Variants in DCLK1 observed in about 807,000 individuals in gnomAD.
The protein encoded by DCLK1 is doublecortin like kinase 1, also known as serine/threonine-protein kinase DCLK1.
A neutral mutation model predicts 86.2 loss-of-function variants in DCLK1; 16 were observed. The ratio of observed to expected loss-of-function variants is 0.19; its 90% CI spans 0.13 to 0.28. The LOEUF (loss-of-function observed/expected upper bound fraction) is 0.28, where lower values mean the gene tolerates loss of function less well. Among genes scored for constraint, DCLK1 ranks in the 10% least tolerant of loss-of-function variants. The pLI, the probability that DCLK1 is intolerant of heterozygous loss-of-function variation, is 1.00. For missense variants in DCLK1, 590 were observed against 940.2 expected, an observed-to-expected ratio of 0.63 and a Z score of 4.87; for synonymous variants, 369 against 370.5, an observed-to-expected ratio of 1.00 and a Z score of 0.05.
intron 3 of DCLK1, among the ~76,000 whole-genome samples, chr13:36,032,103 GTTTTTCTTTTTCT>G (rs1331040151): frequency 1.5e-4 from 23 of 151,858 alleles, no homozygotes; most frequent in East Asian, 3.9e-4. Context: ...CTACAAATCA[GTTTTTCTTTTTCT>G]TTTTTCTTTT....
chr13:36,006,712 G>A (rs2153146900), intron 3 of DCLK1, among the ~76,000 whole-genome samples: 1 of 152,296 alleles, frequency 6.6e-6, no homozygotes, highest in South Asian at 2.1e-4. Flanking sequence ...TCTATTTGGG[G>A]TGGCCTAGAT....
At chr13:35,924,644 T>C (rs1876008649) in intron 4 of DCLK1, among the ~76,000 whole-genome samples, 1 of 152,092 alleles carries the variant, frequency 6.6e-6, no homozygotes, top group Non-Finnish European at 1.5e-5. Context: ...AGCAAGACCC[T>C]GTCTTAAAAA....
At chr13:35,821,689 T>C (rs2087397838) in intron 11 of DCLK1, among the ~76,000 whole-genome samples, 2 of 146,358 alleles carry the variant, frequency 1.4e-5, no homozygotes, top group South Asian at 2.1e-4. Flanking sequence ...TATATATATA[T>C]ATGCACAGTA....
At chr13:36,044,280 T>C (rs1007915618) in intron 3 of DCLK1, among the ~76,000 whole-genome samples, 1 of 152,188 alleles carries the variant, frequency 6.6e-6, no homozygotes, top group Non-Finnish European at 1.5e-5. Flanking sequence ...AATAAACCTC[T>C]TTTCCATATA....
chr13:35,894,564 G>C (rs1332130094), intron 4 of DCLK1, among the ~76,000 whole-genome samples: 1 of 152,004 alleles, frequency 6.6e-6, no homozygotes, highest in Non-Finnish European at 1.5e-5. Flanking sequence ...GGGTGTAAGA[G>C]TGTCCTCAAG....
chr13:36,121,236 T>G (rs1885978966), intron 2 of DCLK1, among the ~76,000 whole-genome samples: 2 of 152,224 alleles, frequency 1.3e-5, no homozygotes, highest in Admixed American at 1.3e-4. Context: ...CAGGATATAT[T>G]GTTAAGTACA....
At chr13:36,116,958 C>A (rs913036442) in intron 2 of DCLK1, among the ~76,000 whole-genome samples, 7 of 152,172 alleles carry the variant, frequency 4.6e-5, no homozygotes, top group Admixed American at 2.0e-4. Context: ...ACCTGGAAGT[C>A]ACTGGCTTAG....
rs561423580 is a variant in DCLK1, at chr13:35,849,283, T to A, written c.1035+5216A>T. ...TTATCAGGGAGATAAATCAATAACA[T>A]TTAAAACAGCGTGTGACAACTGAAT... On this transcript the variant is annotated intron_variant, in intron 6 of 16. Transcript: ENST00000360631. 3 of 985,314 alleles carry A rather than the reference T, an allele frequency of 3.0e-6. No individual in the cohort carries two copies. The African/African-American group carries it at 5.2e-5, about 17-fold the overall frequency. The allele number at this position is 985,314 out of a possible 1,614,324, so 61.0% of individuals were successfully genotyped here.
intron 4 of DCLK1, among the ~76,000 whole-genome samples, chr13:35,913,742 GGT>G (rs569535869): frequency 3.4e-4 from 51 of 152,140 alleles, no homozygotes; most frequent in African/African-American, 1.2e-3. Flanking sequence ...TCTGATACTG[GGT>G]GTGTAAGTGT....
intron 2 of DCLK1, among the ~76,000 whole-genome samples, chr13:36,122,729 G>A (rs1886039089): frequency 6.6e-6 from 1 of 151,992 alleles, no homozygotes; most frequent in South Asian, 2.1e-4. Context: ...ACATATTAAG[G>A]CCATTTTGAA....
intron 3 of DCLK1, among the ~76,000 whole-genome samples, chr13:36,069,691 CACA>C (rs1378135029): frequency 6.6e-6 from 1 of 152,160 alleles, no homozygotes; most frequent in Non-Finnish European, 1.5e-5. Flanking sequence ...CAGGTTGTGT[CACA>C]ACATCAGCCT....
chr13:36,041,510 T>G (rs1882701620), intron 3 of DCLK1, among the ~76,000 whole-genome samples: 2 of 152,196 alleles, frequency 1.3e-5, no homozygotes, highest in Non-Finnish European at 2.9e-5. Context: ...GTTCAGCACC[T>G]CCACCCCCTT....
intron 3 of DCLK1, among the ~76,000 whole-genome samples, chr13:35,964,221 G>T (rs1878608995): frequency 6.6e-6 from 1 of 152,124 alleles, no homozygotes; most frequent in South Asian, 2.1e-4. Context: ...TAAGATAAGG[G>T]GGTGTATAAA....
At chr13:36,049,477 A>T (rs1351261790) in intron 3 of DCLK1, among the ~76,000 whole-genome samples, 2 of 152,100 alleles carry the variant, frequency 1.3e-5, no homozygotes, top group African/African-American at 4.8e-5. Flanking sequence ...TTCTTTGTCC[A>T]TTTTATTTTC....
At chr13:36,087,083 A>G (rs1182259622) in intron 3 of DCLK1, among the ~76,000 whole-genome samples, 8 of 152,186 alleles carry the variant, frequency 5.3e-5, no homozygotes, top group African/African-American at 1.7e-4. Flanking sequence ...TTACACTCCC[A>G]TTAACAGTGT....
Position 35,887,580 on chromosome 13 carries a change from A to T in DCLK1, c.824-16240T>A, listed in dbSNP as rs61949294. On this transcript the variant is annotated intron_variant, in intron 4 of 16. Transcript: ENST00000360631. Reference sequence around the variant, plus strand: ...TGGGAAAGACTGATGAAGAAACGGGAATTTGGGAAATTCTATGGCCATTCG... The same window carrying T: ...TGGGAAAGACTGATGAAGAAACGGGTATTTGGGAAATTCTATGGCCATTCG... Among the ~76,000 whole-genome samples, 119 of 152,092 alleles carry T rather than the reference A, an allele frequency of 7.8e-4. 1 individual carries two copies. The highest frequency in any genetic ancestry group is 3.4e-3 in the Middle Eastern group (1 of 294).
intron 3 of DCLK1, among the ~76,000 whole-genome samples, chr13:36,096,548 A>G (rs1486044473): frequency 6.6e-6 from 1 of 152,226 alleles, no homozygotes; most frequent in African/African-American, 2.4e-5. Context: ...AAGTCCTCAA[A>G]GATCTTGAAT....
In DCLK1 at chr13:35,873,106, G is replaced by A. The variant is rs926218081; in HGVS notation, c.824-1766C>T. ...AAATAAAAAATTTTAGAGACAAGCC[G>A]GGCCAACATGGTGAAACCCTGCCTC... On this transcript the variant is annotated intron_variant, in intron 4 of 16. Transcript: ENST00000360631. 4.6e-5 allele frequency among the ~76,000 whole-genome samples: 7 copies of A among 151,180 alleles called. No individual in the cohort carries two copies. The South Asian group carries it at 1.5e-3, about 32-fold the overall frequency.
intron 4 of DCLK1, among the ~76,000 whole-genome samples, chr13:35,907,841 T>TAA (rs35873614): frequency 0.15 from 20,938 of 140,584 alleles, 1,746 homozygotes; most frequent in East Asian, 0.23. Flanking sequence ...GAAAAAACTT[T>TAA]AAAAAAAAAA....
Sources: allele counts gnomAD v4.1 joint callset (sites outside exome capture counted in the v4.1 genomes callset), GRCh38; gene constraint gnomAD v4.1.1; transcripts MANE v1.5; gene names NCBI Gene and HGNC (gene_info 2026-07-23, HGNC 2026-07-21).